FHIT: variants seen among roughly 807,000 people sequenced by gnomAD.
FHIT encodes the protein fragile histidine triad diadenosine triphosphatase.
Under a neutral mutation model 17.9 loss-of-function variants are expected in FHIT, and 19 were observed. The ratio of observed to expected loss-of-function variants is 1.06; its 90% CI spans 0.74 to 1.56. FHIT has a LOEUF of 1.56. Among genes scored for constraint, FHIT ranks in the 40% most tolerant of loss-of-function variants. The pLI, the probability that FHIT is intolerant of heterozygous loss-of-function variation, is 0.00. For synonymous variants in FHIT, 81 were observed against 69.7 expected (o/e 1.16, Z -0.81); for missense variants, 248 against 189.2 (o/e 1.31, Z -1.82).
intron 2 of FHIT, among the ~76,000 whole-genome samples, chr3:61,102,058 C>A (rs1212591212): frequency 6.6e-6 from 1 of 152,152 alleles, no homozygotes; most frequent in Non-Finnish European, 1.5e-5. Context: ...CTTTATCTTG[C>A]CTTATTGCCC....
intron 4 of FHIT, among the ~76,000 whole-genome samples, chr3:60,706,220 A>G (rs531341760): frequency 4.8e-4 from 71 of 148,894 alleles, no homozygotes; most frequent in Non-Finnish European, 9.3e-4. Context: ...AGGGAGGGGA[A>G]CATCACACAT....
At chr3:60,676,494 C>T (rs1199787809) in intron 4 of FHIT, among the ~76,000 whole-genome samples, 1 of 152,170 alleles carries the variant, frequency 6.6e-6, no homozygotes, top group Admixed American at 6.5e-5. Flanking sequence ...CAGAGGTGGA[C>T]AAGTCAGAAG....
chr3:60,750,373 G>A (rs1553716494), intron 4 of FHIT, among the ~76,000 whole-genome samples: 2 of 152,106 alleles, frequency 1.3e-5, no homozygotes, highest in East Asian at 1.9e-4. Context: ...GACATGGTTT[G>A]GCTGTGCCTC....
At chr3:60,227,549 T>C (rs1704272709) in intron 5 of FHIT, among the ~76,000 whole-genome samples, 1 of 152,184 alleles carries the variant, frequency 6.6e-6, no homozygotes, top group African/African-American at 2.4e-5. Flanking sequence ...CCTACTTCTG[T>C]TCAGTGATTT....
At chr3:61,018,928 T>C (rs959855925) in intron 3 of FHIT, among the ~76,000 whole-genome samples, 9 of 152,172 alleles carry the variant, frequency 5.9e-5, no homozygotes, top group African/African-American at 2.2e-4. Context: ...ACCTGAAAGA[T>C]AATAAACTGG....
chr3:60,809,667 G>C (rs542708260), intron 4 of FHIT, among the ~76,000 whole-genome samples: 2 of 152,108 alleles, frequency 1.3e-5, no homozygotes, highest in Admixed American at 6.5e-5. Context: ...TGACCCCAAA[G>C]AATCTTATTT....
intron 5 of FHIT, among the ~76,000 whole-genome samples, chr3:60,495,514 C>T (rs1451382619): frequency 2.0e-5 from 3 of 151,810 alleles, no homozygotes; most frequent in Non-Finnish European, 2.9e-5. Context: ...GACAAATATC[C>T]ATTTAAATTA....
intron 4 of FHIT, among the ~76,000 whole-genome samples, chr3:60,647,454 A>C (rs1356403090): frequency 2.6e-5 from 4 of 152,162 alleles, no homozygotes; most frequent in African/African-American, 9.7e-5. Context: ...GGACCTGCCC[A>C]AGGCCTCCTA....
At chr3:60,948,675 T>C (rs1553776354) in intron 3 of FHIT, among the ~76,000 whole-genome samples, 1 of 152,170 alleles carries the variant, frequency 6.6e-6, no homozygotes, top group African/African-American at 2.4e-5. Context: ...TTCCCAACTC[T>C]ATTCACAAGC....
At chr3:61,217,663 A>T (rs562759841) in intron 1 of FHIT, among the ~76,000 whole-genome samples, 1 of 152,296 alleles carries the variant, frequency 6.6e-6, no homozygotes, top group Non-Finnish European at 1.5e-5. Flanking sequence ...ACACTGTAAG[A>T]AGAGCACAGG....
At chr3:60,676,961 G>A (rs548025351) in intron 4 of FHIT, among the ~76,000 whole-genome samples, 18 of 152,188 alleles carry the variant, frequency 1.2e-4, no homozygotes, top group Middle Eastern at 3.4e-3. Flanking sequence ...TACAACTTCC[G>A]CCTCCTGGGT....
chr3:60,724,990 G>A (rs1294166491), intron 4 of FHIT, among the ~76,000 whole-genome samples: 8 of 152,066 alleles, frequency 5.3e-5, no homozygotes, highest in Admixed American at 5.2e-4. Context: ...TGGGTGTGAT[G>A]TGGTATCTCG....
At chr3:61,089,111 GA>G (rs1476452688) in intron 2 of FHIT, among the ~76,000 whole-genome samples, 2 of 152,120 alleles carry the variant, frequency 1.3e-5, no homozygotes, top group African/African-American at 2.4e-5. Context: ...TTTGAGCAGG[GA>G]AAAAAATTTA....
intron 5 of FHIT, among the ~76,000 whole-genome samples, chr3:60,024,708 C>A (rs1218892143): frequency 6.6e-6 from 1 of 152,152 alleles, no homozygotes; most frequent in East Asian, 1.9e-4. Flanking sequence ...AATGCAAGGG[C>A]AAGACCGTAA....
At position 60,573,245 on chromosome 3, in the gene FHIT, T is replaced by C. The variant is rs527352354; in HGVS notation, c.-17-36266A>G. On this transcript the variant is annotated intron_variant, in intron 4 of 9. Coordinates refer to ENST00000492590, the MANE Select transcript of FHIT (RefSeq NM_002012.4). The stretch of plus-strand genomic sequence containing the variant: ...GTCCATAACTGTGTGATATTGCACT[T>C]TCCCTGATCAAACGTCCCCTCTGAG... 7.9e-5 allele frequency among the ~76,000 whole-genome samples: 12 copies of C among 152,256 alleles called. No individual in the cohort carries two copies. The South Asian group carries it at 8.3e-4, about 11-fold the overall frequency.
At chr3:60,097,873 C>T (rs1226602511) in intron 5 of FHIT, among the ~76,000 whole-genome samples, 2 of 118,248 alleles carry the variant, frequency 1.7e-5, no homozygotes, top group Non-Finnish European at 3.4e-5. Flanking sequence ...CCGCCCCCCA[C>T]CCCACAACAG....
At chr3:60,185,416 T>A (rs545050385) in intron 5 of FHIT, among the ~76,000 whole-genome samples, 2 of 152,216 alleles carry the variant, frequency 1.3e-5, no homozygotes, top group African/African-American at 2.4e-5. Context: ...CTTAGCAATA[T>A]ACATTTACTA....
chr3:61,030,844 G>C (rs73106369), intron 3 of FHIT, among the ~76,000 whole-genome samples: 8,076 of 152,254 alleles, frequency 0.053, 239 homozygotes, highest in East Asian at 0.085. Context: ...TAGTTTCAAA[G>C]GGTAAAGCCT....
chr3:60,541,170 C>G (rs1439936845), intron 4 of FHIT, among the ~76,000 whole-genome samples: 2 of 152,184 alleles, frequency 1.3e-5, no homozygotes, highest in East Asian at 1.9e-4. Flanking sequence ...ATCACACATT[C>G]CTCCTAAGAC....
Sources: gnomAD v4.1 joint callset for allele counts (sites outside exome capture counted in the v4.1 genomes callset) on GRCh38, gnomAD v4.1.1 for gene constraint, MANE v1.5 for transcripts, NCBI Gene and HGNC (gene_info 2026-07-23, HGNC 2026-07-21) for gene names.